MTUS2: variants seen among roughly 807,000 people sequenced by gnomAD.
The protein encoded by MTUS2 is microtubule-associated tumor suppressor candidate 2.
A neutral mutation model predicts 114.1 loss-of-function variants in MTUS2; 40 were observed. The observed-to-expected ratio is 0.35, with a 90% CI of 0.27 to 0.46. MTUS2 has a LOEUF of 0.46. Among genes scored for constraint, MTUS2 ranks in the 20% least tolerant of loss-of-function variants. MTUS2 has a pLI of 1.00. For missense variants in MTUS2, 1,679 were observed against 1,705.4 expected, an observed-to-expected ratio of 0.98 and a Z score of 0.27; for synonymous variants, 688 against 672.0, an observed-to-expected ratio of 1.02 and a Z score of -0.37.
At chr13:29,321,462 C>T (rs1293033210) in intron 6 of MTUS2, among the ~76,000 whole-genome samples, 4 of 152,212 alleles carry the variant, frequency 2.6e-5, no homozygotes, top group Non-Finnish European at 5.9e-5. Context: ...TGATTCATCT[C>T]TGTAATTATC....
chr13:29,214,492 G>C (rs1895596817), intron 5 of MTUS2, among the ~76,000 whole-genome samples: 1 of 152,148 alleles, frequency 6.6e-6, no homozygotes. Context: ...TGCAGTACCT[G>C]GTACTGGTTG....
At chr13:28,991,504 G>A (rs748359523) in intron 2 of MTUS2, among the ~76,000 whole-genome samples, 14 of 151,770 alleles carry the variant, frequency 9.2e-5, no homozygotes, top group Non-Finnish European at 1.5e-4. Flanking sequence ...GAGTAGGTAG[G>A]GCTACAGGTG....
intron 5 of MTUS2, among the ~76,000 whole-genome samples, chr13:29,261,802 A>G (rs946430173): frequency 1.3e-5 from 2 of 152,346 alleles, no homozygotes; most frequent in East Asian, 1.9e-4. Context: ...TCAGACAATG[A>G]TGAGCTAAAG....
At chr13:28,899,445 T>C (rs1162467417) in intron 2 of MTUS2, among the ~76,000 whole-genome samples, 1 of 152,222 alleles carries the variant, frequency 6.6e-6, no homozygotes. Context: ...AGTCTCACTC[T>C]GTCGCCCAGG....
chr13:29,338,840 G>A (rs1299284663), intron 7 of MTUS2, among the ~76,000 whole-genome samples: 1 of 152,202 alleles, frequency 6.6e-6, no homozygotes, highest in Non-Finnish European at 1.5e-5. Flanking sequence ...TGTTCCCAGG[G>A]AGAAGGCAGA....
intron 7 of MTUS2, among the ~76,000 whole-genome samples, chr13:29,340,326 C>T (rs1901329088): frequency 6.6e-6 from 1 of 152,154 alleles, no homozygotes; most frequent in African/African-American, 2.4e-5. Flanking sequence ...TCTGCCAGGT[C>T]CTGAAAACTG....
chr13:29,224,135 G>A (rs1330080869), intron 5 of MTUS2, among the ~76,000 whole-genome samples: 1 of 152,196 alleles, frequency 6.6e-6, no homozygotes, highest in Non-Finnish European at 1.5e-5. Context: ...TGGGTGGAAC[G>A]AGCCCAGTGG....
intron 2 of MTUS2, among the ~76,000 whole-genome samples, chr13:28,938,080 G>T (rs1382518849): frequency 6.6e-6 from 1 of 152,068 alleles, no homozygotes; most frequent in South Asian, 2.1e-4. Context: ...GTTAAACATC[G>T]CTGACTTTAT....
intron 6 of MTUS2, among the ~76,000 whole-genome samples, chr13:29,309,189 A>T (rs979264393): frequency 6.6e-6 from 1 of 152,208 alleles, no homozygotes; most frequent in Non-Finnish European, 1.5e-5. Flanking sequence ...ATTCCCATCA[A>T]TGATAGACTG....
chr13:28,912,405 T>G (rs1880494106), intron 2 of MTUS2, among the ~76,000 whole-genome samples: 1 of 152,204 alleles, frequency 6.6e-6, no homozygotes, highest in Admixed American at 6.5e-5. Flanking sequence ...GCTGTTTTGG[T>G]CACTGTAGCC....
chr13:28,982,749 C>T (rs1020905318), intron 2 of MTUS2, among the ~76,000 whole-genome samples: 7 of 152,054 alleles, frequency 4.6e-5, no homozygotes, highest in Non-Finnish European at 7.4e-5. Context: ...AGCATATTAG[C>T]GTATTATGTT....
chr13:29,463,805 C>T (rs1045044226), intron 9 of MTUS2, among the ~76,000 whole-genome samples: 2 of 152,198 alleles, frequency 1.3e-5, no homozygotes, highest in African/African-American at 4.8e-5. Context: ...TCCAGACCAG[C>T]CTGGCCAACA....
intron 2 of MTUS2, among the ~76,000 whole-genome samples, chr13:28,920,612 C>G (rs571918268): frequency 1.3e-5 from 2 of 152,294 alleles, no homozygotes; most frequent in South Asian, 4.1e-4. Context: ...AGTTGATAAA[C>G]CGAGCTGGGT....
At chr13:29,470,876 C>G (rs1265268800) in intron 9 of MTUS2, among the ~76,000 whole-genome samples, 2 of 152,164 alleles carry the variant, frequency 1.3e-5, no homozygotes, top group Non-Finnish European at 2.9e-5. Flanking sequence ...CTCCCTTTCC[C>G]CATCTCTCCA....
chr13:29,156,859 G>A (rs935806259), intron 5 of MTUS2, among the ~76,000 whole-genome samples: 15 of 151,996 alleles, frequency 9.9e-5, no homozygotes, highest in Non-Finnish European at 1.6e-4. Flanking sequence ...CCCCGACCCC[G>A]CCTCAGAGCC....
At chr13:29,310,807 CA>C (rs1276228784) in intron 6 of MTUS2, among the ~76,000 whole-genome samples, 3 of 152,108 alleles carry the variant, frequency 2.0e-5, no homozygotes, top group African/African-American at 7.2e-5. Flanking sequence ...TTGACACAGC[CA>C]CTTTGGGAAA....
At chr13:29,469,626 C>CAA (rs768631653) in intron 9 of MTUS2, among the ~76,000 whole-genome samples, 1,235 of 117,740 alleles carry the variant, frequency 0.01, 21 homozygotes, top group African/African-American at 0.039. Context: ...GACTATGTCT[C>CAA]AAAAAAAAAA....
intron 8 of MTUS2, among the ~76,000 whole-genome samples, chr13:29,381,790 CA>C (rs1872224839): frequency 6.6e-6 from 1 of 152,194 alleles, no homozygotes. Context: ...CTCATCTGCA[CA>C]GACCCTTTCT....
chr13:29,298,117 G>A (rs1245813063), intron 6 of MTUS2, among the ~76,000 whole-genome samples: 1 of 152,164 alleles, frequency 6.6e-6, no homozygotes, highest in Non-Finnish European at 1.5e-5. Context: ...GTAGCAAATA[G>A]GAAAATACTT....
Sources: allele counts gnomAD v4.1 joint callset (sites outside exome capture counted in the v4.1 genomes callset), GRCh38; gene constraint gnomAD v4.1.1; transcripts MANE v1.5; gene names NCBI Gene and HGNC (gene_info 2026-07-23, HGNC 2026-07-21).